FRRS1: variants seen among roughly 807,000 people sequenced by gnomAD.
FRRS1 encodes the protein ferric chelate reductase 1.
In FRRS1, 51 loss-of-function variants were observed where a neutral mutation model predicts 70.7. The ratio of observed to expected loss-of-function variants is 0.72; its 90% CI spans 0.58 to 0.91. FRRS1 has a LOEUF of 0.91. Among genes scored for constraint, FRRS1 ranks in the 40% least tolerant of loss-of-function variants. The pLI, the probability that FRRS1 is intolerant of heterozygous loss-of-function variation, is 0.00. For synonymous variants in FRRS1, 225 were observed against 238.7 expected, an observed-to-expected ratio of 0.94 and a Z score of 0.53; for missense variants, 672 against 726.0, an observed-to-expected ratio of 0.93 and a Z score of 0.86.
intron 1 of FRRS1, among the ~76,000 whole-genome samples, chr1:99,756,456 T>C (rs1484330362): frequency 2.6e-5 from 4 of 152,120 alleles, no homozygotes; most frequent in Admixed American, 6.6e-5. Context: ...AAAGCAAGTA[T>C]ATTCTTCATT....
At chr1:99,712,619 G>C in intron 12 of FRRS1, 104 bp from the exon 13 acceptor site, 1 of 586,140 alleles carries the variant, frequency 1.7e-6, no homozygotes, top group Admixed American at 3.5e-5. Flanking sequence ...TTTTTCCATG[G>C]CTTTAAAGAT....
chr1:99,714,460 G>A (rs955467442), intron 12 of FRRS1, among the ~76,000 whole-genome samples: 3 of 152,126 alleles, frequency 2.0e-5, no homozygotes, highest in Admixed American at 1.3e-4. Context: ...GGGATTACAG[G>A]TGTGAGCCAC....
At chr1:99,724,732 G>T (rs1654996373) in intron 9 of FRRS1, among the ~76,000 whole-genome samples, 1 of 151,928 alleles carries the variant, frequency 6.6e-6, no homozygotes, top group Admixed American at 6.6e-5. Flanking sequence ...CCCAGGAATA[G>T]CAATCTCCAG....
At chr1:99,710,531 GCT>G (rs1192106851) in intron 15 of FRRS1, among the ~76,000 whole-genome samples, 3 of 152,144 alleles carry the variant, frequency 2.0e-5, no homozygotes, top group Admixed American at 1.3e-4. Flanking sequence ...GTCCATACTG[GCT>G]CTAAGTCAGA....
intron 9 of FRRS1, among the ~76,000 whole-genome samples, chr1:99,723,157 G>C (rs931809019): frequency 2.6e-5 from 4 of 152,114 alleles, no homozygotes; most frequent in Non-Finnish European, 5.9e-5. Flanking sequence ...TGCAGGATTG[G>C]AATAAATGGA....
chr1:99,760,719 A>G (rs949338803), intron 1 of FRRS1, among the ~76,000 whole-genome samples: 5 of 152,000 alleles, frequency 3.3e-5, no homozygotes, highest in Non-Finnish European at 7.4e-5. Flanking sequence ...GTGTGATCTT[A>G]GCTCACTGCA....
chr1:99,704,779 A>G lies in FRRS1; in HGVS notation c.*4249T>C, dbSNP rs534548894. ...GCACACGACAGATCCCAGCATGCCG[A>G]CAGGCCACGACTGGCGGAAGGAGGA... On this transcript the variant is annotated 3_prime_UTR_variant, in exon 17 of 17. Coordinates refer to ENST00000646001, the MANE Select transcript of FRRS1 (RefSeq NM_001361041.2). Among the ~76,000 whole-genome samples, 3 of 152,242 alleles carry G rather than the reference A, an allele frequency of 2.0e-5. No individual in the cohort carries two copies. In the South Asian group the frequency reaches 6.2e-4, roughly 32 times the overall value.
At chr1:99,747,143 T>C (rs964304561) in intron 4 of FRRS1, 151 bp downstream of exon 4, 3 of 558,724 alleles carry the variant, frequency 5.4e-6, no homozygotes, top group African/African-American at 3.8e-5. Context: ...AATCAACTAT[T>C]TGTTATCAGT....
At chr1:99,731,120 G>C (rs1270404214) in intron 7 of FRRS1, among the ~76,000 whole-genome samples, 1 of 152,072 alleles carries the variant, frequency 6.6e-6, no homozygotes, top group African/African-American at 2.4e-5. Context: ...GAATGAAAAA[G>C]AATACCAAAA....
chr1:99,764,182 T>A (rs1657248458), intron 1 of FRRS1, among the ~76,000 whole-genome samples: 1 of 152,228 alleles, frequency 6.6e-6, no homozygotes. Context: ...AGAAGATACA[T>A]GCTCATGCTC....
chr1:99,722,534 A>C (rs1654886395), intron 9 of FRRS1, among the ~76,000 whole-genome samples: 1 of 152,214 alleles, frequency 6.6e-6, no homozygotes, highest in Admixed American at 6.5e-5. Flanking sequence ...AACATGACCA[A>C]GTAAGGTTTA....
chr1:99,751,824 T>C (rs899867190), intron 1 of FRRS1, among the ~76,000 whole-genome samples: 5 of 152,132 alleles, frequency 3.3e-5, no homozygotes, highest in Admixed American at 1.3e-4. Flanking sequence ...AAGGAGAGCA[T>C]TGGAAAAGAA....
At position 99,708,473 on chromosome 1, in the gene FRRS1, C is replaced by T. The variant is rs562084428; in HGVS notation, c.*555G>A. On this transcript the variant is annotated 3_prime_UTR_variant, in exon 17 of 17. Transcript: ENST00000646001. The stretch of plus-strand genomic sequence containing the variant: ...ATTAGCCCGGCATGGTGGCGGGCAC[C>T]TGTAGTCCCAGCTACTCAGGAGGCT... 3.8e-4 allele frequency among the ~76,000 whole-genome samples: 57 copies of T among 150,282 alleles called. No homozygotes were observed. Among genetic ancestry groups the T allele is most frequent in the African/African-American group, 1.2e-3 (51 of 41,040 alleles).
At chr1:99,766,480 C>G (rs1657358209) in intron 1 of FRRS1, 127 bp downstream of exon 1, 1 of 152,204 alleles carries the variant, frequency 6.6e-6, no homozygotes, top group South Asian at 2.1e-4. Context: ...GAATACAGCA[C>G]CCGTTCTGCC....
rs1017695968 is a variant in FRRS1 at position 99,708,325 on chromosome 1, C to T, written c.*703G>A. Among the ~76,000 whole-genome samples the T allele has an allele frequency of 5.9e-5, 9 of 152,078 alleles. No individual in the cohort carries two copies. The South Asian group carries it at 1.0e-3, about 18-fold the overall frequency. ...CAAAATATATTTACCATAGGCTGGG[C>T]GTGGTGGCTCACGCCTGTAATCCCA... On this transcript the variant is annotated 3_prime_UTR_variant, in exon 17 of 17. Coordinates refer to ENST00000646001, the MANE Select transcript of FRRS1 (RefSeq NM_001361041.2).
chr1:99,757,125 T>C (rs942185354), intron 1 of FRRS1, among the ~76,000 whole-genome samples: 1 of 152,058 alleles, frequency 6.6e-6, no homozygotes, highest in African/African-American at 2.4e-5. Flanking sequence ...TTTCGTTTAC[T>C]ACATCCAAAG....
At position 99,719,524 on chromosome 1, in the gene FRRS1, T is replaced by C. The variant is rs1368960964; in HGVS notation, c.1120+10A>G. 1 of 1,405,702 alleles carries C rather than the reference T, an allele frequency of 7.1e-7. No homozygotes were observed. Among genetic ancestry groups the C allele is most frequent in the East Asian group, 2.3e-5 (1 of 43,800 alleles). The allele number at this position is 1,405,702 out of a possible 1,614,324, so 87.1% of individuals were successfully genotyped here. The stretch of plus-strand genomic sequence containing the variant: ...GTTGATTCCACAAAGTAGTTACACA[T>C]GTAACCTACCATGAACCTTCAGAAG... On this transcript the variant is annotated intron_variant, in intron 10 of 16. Coordinates refer to ENST00000646001, the MANE Select transcript of FRRS1 (RefSeq NM_001361041.2).
chr1:99,733,317 G>A (rs1253185223), intron 7 of FRRS1, among the ~76,000 whole-genome samples: 2 of 152,188 alleles, frequency 1.3e-5, no homozygotes, highest in Non-Finnish European at 2.9e-5. Context: ...ATGCAACAAA[G>A]AGAATGAAAG....
chr1:99,708,856 C>T lies in FRRS1; in HGVS notation c.*172G>A, dbSNP rs1345791914. 1.5e-6 allele frequency: 2 copies of T among 1,367,268 alleles called. No homozygotes were observed. The highest frequency in any genetic ancestry group is 2.3e-5 in the South Asian group (2 of 85,304). The allele number at this position is 1,367,268 out of a possible 1,614,324, so 84.7% of individuals were successfully genotyped here. On this transcript the variant is annotated 3_prime_UTR_variant, in exon 17 of 17. Coordinates refer to ENST00000646001, the MANE Select transcript of FRRS1 (RefSeq NM_001361041.2). ...ACATTAATTTATAGTCTATATGACCCTCTTGAATGTTGTTCTCTAAAGGCT... is the reference window on the plus strand; with the variant it reads ...ACATTAATTTATAGTCTATATGACCTTCTTGAATGTTGTTCTCTAAAGGCT...
Sources: gnomAD v4.1 joint callset for allele counts (sites outside exome capture counted in the v4.1 genomes callset) on GRCh38, gnomAD v4.1.1 for gene constraint, MANE v1.5 for transcripts, NCBI Gene and HGNC (gene_info 2026-07-23, HGNC 2026-07-21) for gene names.